Variants in TAFA2 observed in about 807,000 individuals in gnomAD.
TAFA2 encodes the protein chemokine-like protein TAFA-2.
A neutral mutation model predicts 18.8 loss-of-function variants in TAFA2; 7 were observed. The observed-to-expected ratio is 0.37, with a 90% confidence interval of 0.21 to 0.70. The LOEUF (loss-of-function observed/expected upper bound fraction) is 0.70. Among genes scored for constraint, TAFA2 ranks in the 30% least tolerant of loss-of-function variants. The pLI is 0.53. For synonymous variants in TAFA2, 60 were observed against 54.2 expected, an observed-to-expected ratio of 1.11 and a Z score of -0.47; for missense variants, 122 against 158.1, an observed-to-expected ratio of 0.77 and a Z score of 1.23.
chr12:61,867,898 T>G (rs1249407924), intron 1 of TAFA2, among the ~76,000 whole-genome samples: 8 of 152,180 alleles, frequency 5.3e-5, no homozygotes, highest in Non-Finnish European at 1.2e-4. Flanking sequence ...AAATCTATTA[T>G]TCCTAATGTG....
At chr12:62,233,652 G>A (rs1200390048) in intron 1 of TAFA2, among the ~76,000 whole-genome samples, 2 of 152,196 alleles carry the variant, frequency 1.3e-5, no homozygotes, top group Non-Finnish European at 2.9e-5. Flanking sequence ...GTGAACCCGA[G>A]ATGGCCTGCT....
At chr12:62,079,631 T>C (rs1230690702) in intron 1 of TAFA2, among the ~76,000 whole-genome samples, 1 of 149,682 alleles carries the variant, frequency 6.7e-6, no homozygotes, top group Non-Finnish European at 1.5e-5. Context: ...GCCACTACAC[T>C]CCAGCCTGGG....
At chr12:62,156,886 G>GTTT (rs1265619634) in intron 1 of TAFA2, among the ~76,000 whole-genome samples, 3 of 151,916 alleles carry the variant, frequency 2.0e-5, no homozygotes, top group Non-Finnish European at 4.4e-5. Context: ...TAACTTAAGG[G>GTTT]AAAAAAATTT....
At chr12:61,748,580 A>T (rs1237054345) in intron 4 of TAFA2, among the ~76,000 whole-genome samples, 1 of 152,032 alleles carries the variant, frequency 6.6e-6, no homozygotes, top group Non-Finnish European at 1.5e-5. Flanking sequence ...CTGAATTAGC[A>T]CCCCTGGACA....
chr12:62,163,540 T>C (rs763819641), intron 1 of TAFA2, among the ~76,000 whole-genome samples: 35 of 152,142 alleles, frequency 2.3e-4, no homozygotes, highest in Non-Finnish European at 4.7e-4. Context: ...TCTCCCACAG[T>C]GGCTAAGGCA....
chr12:61,949,969 C>T (rs766247503), intron 1 of TAFA2, among the ~76,000 whole-genome samples: 8 of 152,166 alleles, frequency 5.3e-5, no homozygotes, highest in Middle Eastern at 3.4e-3. Flanking sequence ...ACTTTCTGTC[C>T]CATTAATTTA....
intron 1 of TAFA2, among the ~76,000 whole-genome samples, chr12:62,218,535 C>A (rs1277836867): frequency 1.3e-5 from 2 of 152,192 alleles, no homozygotes; most frequent in Admixed American, 6.5e-5. Context: ...CCAACCCGTA[C>A]TGTGTTTGCC....
intron 1 of TAFA2, among the ~76,000 whole-genome samples, chr12:62,207,479 C>T (rs557430891): frequency 6.6e-6 from 1 of 152,254 alleles, no homozygotes; most frequent in African/African-American, 2.4e-5. Flanking sequence ...CAAACACACA[C>T]ACACACACAC....
chr12:62,126,555 T>C (rs890926540), intron 1 of TAFA2, among the ~76,000 whole-genome samples: 7 of 152,086 alleles, frequency 4.6e-5, no homozygotes, highest in Non-Finnish European at 8.8e-5. Flanking sequence ...TTTGAAAACA[T>C]GGAGGTTTCC....
At chr12:61,794,560 T>G (rs1371148066) in intron 2 of TAFA2, among the ~76,000 whole-genome samples, 1 of 152,076 alleles carries the variant, frequency 6.6e-6, no homozygotes, top group Non-Finnish European at 1.5e-5. Context: ...GTTCAAGGGT[T>G]AGAATACTTA....
At chr12:62,153,977 T>TTATGTTATGTTATGTTATGC (rs1334214550) in intron 1 of TAFA2, among the ~76,000 whole-genome samples, 2 of 151,418 alleles carry the variant, frequency 1.3e-5, no homozygotes, top group Non-Finnish European at 2.9e-5. Flanking sequence ...TTATGTTATG[T>TTATGTTATGTTATGTTATGC]TATGTTGTTT....
intron 1 of TAFA2, among the ~76,000 whole-genome samples, chr12:62,168,225 G>A (rs143965014): frequency 1.3e-5 from 2 of 152,160 alleles, no homozygotes; most frequent in African/African-American, 2.4e-5. Flanking sequence ...CTTATATCAC[G>A]ACTTTGTAAC....
At chr12:61,910,209 C>G (rs1443217731) in intron 1 of TAFA2, among the ~76,000 whole-genome samples, 1 of 151,700 alleles carries the variant, frequency 6.6e-6, no homozygotes, top group Non-Finnish European at 1.5e-5. Context: ...CATGAACTAA[C>G]AAGACAATTC....
At chr12:62,143,088 T>G (rs936850483) in intron 1 of TAFA2, among the ~76,000 whole-genome samples, 1 of 152,224 alleles carries the variant, frequency 6.6e-6, no homozygotes, top group African/African-American at 2.4e-5. Context: ...CCAAACTTCT[T>G]TGTTTTTAAG....
intron 1 of TAFA2, among the ~76,000 whole-genome samples, chr12:61,990,298 T>A (rs1289119705): frequency 1.3e-5 from 2 of 151,868 alleles, no homozygotes; most frequent in Non-Finnish European, 2.9e-5. Context: ...TTTATTAGAC[T>A]ATTTATTAAG....
intron 2 of TAFA2, among the ~76,000 whole-genome samples, chr12:61,817,090 G>A (rs1477861563): frequency 6.8e-6 from 1 of 146,822 alleles, no homozygotes; most frequent in Non-Finnish European, 1.5e-5. Context: ...TAATTGAGAT[G>A]GCAATATATG....
At chr12:62,229,302 A>G (rs2062801723) in intron 1 of TAFA2, among the ~76,000 whole-genome samples, 1 of 152,082 alleles carries the variant, frequency 6.6e-6, no homozygotes, top group Non-Finnish European at 1.5e-5. Flanking sequence ...TCCAGATCTA[A>G]AAGAATGGCT....
chr12:61,940,175 T>C (rs1379550575), intron 1 of TAFA2, among the ~76,000 whole-genome samples: 3 of 152,158 alleles, frequency 2.0e-5, no homozygotes, highest in African/African-American at 7.2e-5. Context: ...GTCAAATAGA[T>C]AGTGGCAGTG....
Position 61,919,288 on chromosome 12 carries a change from C to T in TAFA2, c.-1-51862G>A, listed in dbSNP as rs553426598. Among the ~76,000 whole-genome samples the T allele has an allele frequency of 5.3e-5, 8 of 152,286 alleles. No individual in the cohort carries two copies. The East Asian group carries it at 1.3e-3, about 26-fold the overall frequency. On this transcript the variant is annotated intron_variant, in intron 1 of 4. Transcript: ENST00000416284. ...TTCATTATGTCTTTCACATCCAACC[C>T]TTTCCAGTTCCAACTTCCCGCCCCT...
Sources: allele counts gnomAD v4.1 joint callset (sites outside exome capture counted in the v4.1 genomes callset), GRCh38; gene constraint gnomAD v4.1.1; transcripts MANE v1.5; gene names NCBI Gene and HGNC (gene_info 2026-07-23, HGNC 2026-07-21).